Variants in FMNL2 observed in about 807,000 individuals in gnomAD.
FMNL2 encodes the protein formin-like protein 2.
A neutral mutation model predicts 130.2 loss-of-function variants in FMNL2; 51 were observed. The ratio of observed to expected loss-of-function variants is 0.39; its 90% CI spans 0.31 to 0.49. FMNL2 has a LOEUF of 0.49. Ranked by LOEUF, FMNL2 falls within the 20% of genes least tolerant of loss-of-function variation. The pLI is 0.85. For missense variants in FMNL2, 977 were observed against 1,316.2 expected (o/e 0.74, Z 3.99); for synonymous variants, 465 against 467.1 (o/e 1.00, Z 0.06).
intron 1 of FMNL2, among the ~76,000 whole-genome samples, chr2:152,435,309 C>A (rs1218622713): frequency 6.6e-6 from 1 of 152,230 alleles, no homozygotes; most frequent in East Asian, 1.9e-4. Flanking sequence ...TAGCAAAACT[C>A]TGTCTTTCCA....
At chr2:152,375,877 C>CTCTCTCTCTCTCTCTCTATATA (rs796954245) in intron 1 of FMNL2, among the ~76,000 whole-genome samples, 8 of 112,478 alleles carry the variant, frequency 7.1e-5, no homozygotes, top group East Asian at 1.1e-3. Flanking sequence ...CTCTCTCTCT[C>CTCTCTCTCTCTCTCTCTATATA]TATATATATA....
intron 15 of FMNL2, among the ~76,000 whole-genome samples, chr2:152,620,516 A>T (rs1249447481): frequency 6.6e-6 from 1 of 152,118 alleles, no homozygotes; most frequent in Non-Finnish European, 1.5e-5. Flanking sequence ...GAATTGCTCT[A>T]AGCTTTGCCA....
chr2:152,596,752 T>C (rs1391201107), intron 9 of FMNL2, among the ~76,000 whole-genome samples: 3 of 152,216 alleles, frequency 2.0e-5, no homozygotes, highest in Non-Finnish European at 1.5e-5. Context: ...CTGTTGTTTT[T>C]GTTGAAGTAG....
At chr2:152,396,564 G>A (rs1410574244) in intron 1 of FMNL2, among the ~76,000 whole-genome samples, 4 of 152,184 alleles carry the variant, frequency 2.6e-5, no homozygotes, top group Non-Finnish European at 4.4e-5. Context: ...TCCTGGCTTA[G>A]ATGAGTCCTG....
At chr2:152,549,693 TG>T (rs1237879702) in intron 4 of FMNL2, among the ~76,000 whole-genome samples, 5 of 152,202 alleles carry the variant, frequency 3.3e-5, no homozygotes, top group African/African-American at 1.2e-4. Flanking sequence ...GACAATGACA[TG>T]GTGCTTTGCC....
chr2:152,603,211 G>C (rs1363015791), intron 9 of FMNL2, among the ~76,000 whole-genome samples: 1 of 152,178 alleles, frequency 6.6e-6, no homozygotes, highest in African/African-American at 2.4e-5. Flanking sequence ...GAGATTGGCA[G>C]CAAAGCAGCC....
chr2:152,422,102 A>T (rs1686953535), intron 1 of FMNL2, among the ~76,000 whole-genome samples: 1 of 152,214 alleles, frequency 6.6e-6, no homozygotes, highest in Non-Finnish European at 1.5e-5. Context: ...CTTTAGGTCA[A>T]ACCTGCTGCC....
At chr2:152,430,567 A>G (rs1687440948) in intron 1 of FMNL2, among the ~76,000 whole-genome samples, 1 of 152,068 alleles carries the variant, frequency 6.6e-6, no homozygotes, top group Non-Finnish European at 1.5e-5. Context: ...TCTTTCTTTA[A>G]AGGTTGATTA....
intron 1 of FMNL2, among the ~76,000 whole-genome samples, chr2:152,350,843 G>A (rs1682438077): frequency 2.0e-5 from 3 of 152,116 alleles, no homozygotes; most frequent in Non-Finnish European, 4.4e-5. Context: ...TCAGGACTTC[G>A]AGACCCACCT....
rs566314938 is a variant in FMNL2 at position 152,615,599 on chromosome 2, T to C, written c.1212+599T>C. Reference sequence around the variant, plus strand: ...CTCATTTTTCTTTGAGGGATTTTTCTTGCCATAGACTGATTTGAATATGAC... The same window carrying C: ...CTCATTTTTCTTTGAGGGATTTTTCCTGCCATAGACTGATTTGAATATGAC... On this transcript the variant is annotated intron_variant, in intron 12 of 25. Coordinates refer to ENST00000288670, the MANE Select transcript of FMNL2 (RefSeq NM_052905.4). Among the ~76,000 whole-genome samples, 16 of 152,334 alleles carry C rather than the reference T, an allele frequency of 1.1e-4. No homozygotes were observed. In the South Asian group the frequency reaches 3.1e-3, roughly 30 times the overall value.
chr2:152,340,656 T>C (rs1681745896), intron 1 of FMNL2, among the ~76,000 whole-genome samples: 1 of 152,208 alleles, frequency 6.6e-6, no homozygotes, highest in Non-Finnish European at 1.5e-5. Context: ...ATGCGAAACC[T>C]GTGAAAAGGA....
rs551255297 is a variant in FMNL2, at chr2:152,566,702, A to G, written c.596+5667A>G. On this transcript the variant is annotated intron_variant, in intron 6 of 25. Coordinates refer to ENST00000288670, the MANE Select transcript of FMNL2 (RefSeq NM_052905.4). ...TTTGTGGCTGACAAGGGACTTAAGT[A>G]TATATATGTTTGTGTGTACACATGT... 2.6e-5 allele frequency among the ~76,000 whole-genome samples: 4 copies of G among 152,334 alleles called. No homozygotes were observed. The East Asian group carries it at 7.7e-4, about 29-fold the overall frequency.
At chr2:152,600,728 G>A (rs556732790) in intron 9 of FMNL2, among the ~76,000 whole-genome samples, 1 of 105,242 alleles carries the variant, frequency 9.5e-6, no homozygotes, top group Admixed American at 9.7e-5. Context: ...AGCATAGTTG[G>A]AGCTTTTTTT....
At chr2:152,612,857 C>T (rs998790881) in intron 11 of FMNL2, among the ~76,000 whole-genome samples, 2 of 152,104 alleles carry the variant, frequency 1.3e-5, no homozygotes, top group African/African-American at 4.8e-5. Context: ...ATGCACCCAG[C>T]CGGTGACCTG....
rs1204536925 is a variant in FMNL2 at position 152,389,913 on chromosome 2, G to GGAGC, written c.117+54195_117+54198dup. On this transcript the variant is annotated intron_variant, in intron 1 of 25. Coordinates refer to ENST00000288670, the MANE Select transcript of FMNL2 (RefSeq NM_052905.4). ...GGGAGAAGAGAACCCGGGAGAAGGT[G>GGAGC]GAGCGGGTGGCCGGGCTGGCCAAGG... is the stretch of plus-strand genomic sequence containing the variant. 5.8e-6 allele frequency: 6 copies of GGAGC among 1,042,072 alleles called. No homozygotes were observed. In the African/African-American group the frequency reaches 7.9e-5, roughly 14 times the overall value. The allele number at this position is 1,042,072 out of a possible 1,614,324, so 64.6% of individuals were successfully genotyped here.
intron 1 of FMNL2, among the ~76,000 whole-genome samples, chr2:152,403,941 C>T (rs1685843851): frequency 6.6e-6 from 1 of 152,058 alleles, no homozygotes; most frequent in Non-Finnish European, 1.5e-5. Flanking sequence ...GGTGGTGAGC[C>T]CCTGTAGTCC....
intron 1 of FMNL2, among the ~76,000 whole-genome samples, chr2:152,459,328 A>G (rs1427112858): frequency 6.6e-6 from 1 of 152,202 alleles, no homozygotes; most frequent in Non-Finnish European, 1.5e-5. Flanking sequence ...TTTCATGAAT[A>G]TGCCATGATT....
At chr2:152,414,381 A>G (rs1272983135) in intron 1 of FMNL2, among the ~76,000 whole-genome samples, 1 of 152,178 alleles carries the variant, frequency 6.6e-6, no homozygotes, top group East Asian at 1.9e-4. Flanking sequence ...CTCTCATAGT[A>G]GCTCTTACTT....
intron 2 of FMNL2, among the ~76,000 whole-genome samples, chr2:152,525,915 A>G (rs929902795): frequency 2.0e-5 from 3 of 152,218 alleles, no homozygotes; most frequent in African/African-American, 7.2e-5. Context: ...TTAATCATTA[A>G]GAATATAATT....
Sources: allele counts gnomAD v4.1 joint callset (sites outside exome capture counted in the v4.1 genomes callset), GRCh38; gene constraint gnomAD v4.1.1; transcripts MANE v1.5; gene names NCBI Gene and HGNC (gene_info 2026-07-23, HGNC 2026-07-21).